Variants in FARS2 observed in about 807,000 individuals in gnomAD.
FARS2 encodes the protein phenylalanine--tRNA ligase, mitochondrial.
A neutral mutation model predicts 46.4 loss-of-function variants in FARS2; 40 were observed. The observed-to-expected ratio is 0.86, with a 90% CI of 0.67 to 1.12. The LOEUF (loss-of-function observed/expected upper bound fraction) is 1.12. FARS2 is among the 50% of genes most tolerant of loss of function. The pLI is 0.00. For synonymous variants in FARS2, 234 were observed against 214.9 expected, an observed-to-expected ratio of 1.09 and a Z score of -0.78; for missense variants, 513 against 567.9, an observed-to-expected ratio of 0.90 and a Z score of 0.98.
At chr6:5,655,314 T>G (rs956504488) in intron 6 of FARS2, among the ~76,000 whole-genome samples, 6 of 152,178 alleles carry the variant, frequency 3.9e-5, no homozygotes, top group Non-Finnish European at 7.3e-5. Flanking sequence ...TTAGCATGAT[T>G]GATTTTTTTT....
intron 6 of FARS2, among the ~76,000 whole-genome samples, chr6:5,770,170 G>A (rs1762960569): frequency 6.6e-6 from 1 of 152,218 alleles, no homozygotes; most frequent in Admixed American, 6.5e-5. Flanking sequence ...CCAGTTTCCA[G>A]TGAATATGTG....
intron 5 of FARS2, among the ~76,000 whole-genome samples, chr6:5,556,163 T>G (rs962823878): frequency 1.3e-5 from 2 of 152,144 alleles, no homozygotes; most frequent in Admixed American, 1.3e-4. Flanking sequence ...CCCTTAGAGC[T>G]CGCTTCCTTT....
chr6:5,580,569 C>T (rs1314259938), intron 5 of FARS2, among the ~76,000 whole-genome samples: 1 of 152,124 alleles, frequency 6.6e-6, no homozygotes, highest in Admixed American at 6.5e-5. Context: ...GTCTCTGCAG[C>T]CACATTTGCC....
At chr6:5,277,941 G>C (rs1266067906) in intron 1 of FARS2, among the ~76,000 whole-genome samples, 1 of 152,224 alleles carries the variant, frequency 6.6e-6, no homozygotes, top group Non-Finnish European at 1.5e-5. Flanking sequence ...TGTTAGCAGA[G>C]TGGATACTTA....
intron 1 of FARS2, among the ~76,000 whole-genome samples, chr6:5,292,563 TG>T (rs1767579950): frequency 6.6e-6 from 1 of 152,126 alleles, no homozygotes; most frequent in Non-Finnish European, 1.5e-5. Flanking sequence ...TTTTCTGGAT[TG>T]GGTACTCAGG....
chr6:5,285,425 G>A (rs773912016), intron 1 of FARS2, among the ~76,000 whole-genome samples: 10 of 152,164 alleles, frequency 6.6e-5, no homozygotes, highest in Admixed American at 5.9e-4. Flanking sequence ...GACATTTTAA[G>A]TCCTCTGAAC....
intron 4 of FARS2, among the ~76,000 whole-genome samples, chr6:5,487,857 G>A (rs1766872301): frequency 6.6e-6 from 1 of 152,028 alleles, no homozygotes; most frequent in Admixed American, 6.5e-5. Context: ...TACGTCACCT[G>A]GTCTCCATGA....
chr6:5,618,022 T>C (rs1309622736), intron 6 of FARS2, among the ~76,000 whole-genome samples: 2 of 152,172 alleles, frequency 1.3e-5, no homozygotes, highest in Non-Finnish European at 2.9e-5. Context: ...ACGTTGTGGG[T>C]CATAAGATTT....
chr6:5,667,407 G>A (rs965964621), intron 6 of FARS2, among the ~76,000 whole-genome samples: 3 of 151,634 alleles, frequency 2.0e-5, no homozygotes, highest in African/African-American at 7.3e-5. Flanking sequence ...AGTCCCAGCT[G>A]CTCAGGAGGC....
At chr6:5,436,115 C>T (rs912540885) in intron 4 of FARS2, among the ~76,000 whole-genome samples, 3 of 152,048 alleles carry the variant, frequency 2.0e-5, no homozygotes, top group Admixed American at 6.6e-5. Context: ...ACAGGGGTAC[C>T]GTGGGCACAA....
At chr6:5,362,871 A>G (rs187635842) in intron 1 of FARS2, among the ~76,000 whole-genome samples, 302 of 148,536 alleles carry the variant, frequency 2.0e-3, no homozygotes, top group Non-Finnish European at 3.8e-3. Context: ...TTGACCATTT[A>G]TATGTCTTCT....
At chr6:5,638,835 C>A (rs940843413) in intron 6 of FARS2, among the ~76,000 whole-genome samples, 6 of 152,216 alleles carry the variant, frequency 3.9e-5, no homozygotes, top group Admixed American at 6.5e-5. Context: ...AGGATAGGGG[C>A]CTCCACTGGG....
chr6:5,593,303 C>A (rs1468051274), intron 5 of FARS2, among the ~76,000 whole-genome samples: 2 of 128,206 alleles, frequency 1.6e-5, no homozygotes, highest in Non-Finnish European at 3.0e-5. Flanking sequence ...CCCGCCCCCA[C>A]CGGCCTCTGC....
intron 1 of FARS2, among the ~76,000 whole-genome samples, chr6:5,268,159 G>C (rs1457466804): frequency 1.1e-4 from 17 of 151,908 alleles, no homozygotes; most frequent in Non-Finnish European, 1.5e-4. Flanking sequence ...TAGGTTGCCT[G>C]TTCACTCTGA....
chr6:5,547,030 C>T (rs1245453161), intron 5 of FARS2, among the ~76,000 whole-genome samples: 2 of 152,008 alleles, frequency 1.3e-5, no homozygotes, highest in African/African-American at 2.4e-5. Flanking sequence ...CAGCTCACTG[C>T]AACCTCTGCC....
At chr6:5,392,003 T>A (rs1234012729) in intron 2 of FARS2, among the ~76,000 whole-genome samples, 1 of 152,184 alleles carries the variant, frequency 6.6e-6, no homozygotes, top group Admixed American at 6.5e-5. Context: ...GCAGTCCTAG[T>A]GGAAAATAAA....
intron 1 of FARS2, among the ~76,000 whole-genome samples, chr6:5,360,950 A>AACT (rs1407245723): frequency 6.6e-6 from 1 of 152,210 alleles, no homozygotes; most frequent in East Asian, 1.9e-4. Context: ...AAGCCACAGA[A>AACT]ACTAAGCACA....
At chr6:5,551,499 C>A (rs1771372501) in intron 5 of FARS2, among the ~76,000 whole-genome samples, 1 of 152,224 alleles carries the variant, frequency 6.6e-6, no homozygotes, top group African/African-American at 2.4e-5. Context: ...CTACTACCCA[C>A]TGACCAATTC....
chr6:5,737,603 T>A (rs1490000399), intron 6 of FARS2, among the ~76,000 whole-genome samples: 1 of 152,204 alleles, frequency 6.6e-6, no homozygotes, highest in Admixed American at 6.5e-5. Flanking sequence ...GAGTGGCAGA[T>A]GGCATTGGTC....
Sources: allele counts gnomAD v4.1 joint callset (sites outside exome capture counted in the v4.1 genomes callset), GRCh38; gene constraint gnomAD v4.1.1; transcripts MANE v1.5; gene names NCBI Gene and HGNC (gene_info 2026-07-23, HGNC 2026-07-21).